Variants in XKR4 observed in about 807,000 individuals in gnomAD.
XKR4 encodes the protein XK-related protein 4.
A neutral mutation model predicts 53.9 loss-of-function variants in XKR4; 12 were observed. The ratio of observed to expected loss-of-function variants is 0.22; its 90% CI spans 0.14 to 0.36. The LOEUF (loss-of-function observed/expected upper bound fraction) is 0.36. XKR4 is among the 10% of genes least tolerant of loss of function. XKR4 has a pLI of 1.00. For synonymous variants in XKR4, 354 were observed against 362.4 expected (o/e 0.98, Z 0.26); for missense variants, 799 against 859.5 (o/e 0.93, Z 0.88).
chr8:55,199,229 G>GA (rs956520513), intron 1 of XKR4, among the ~76,000 whole-genome samples: 8 of 149,666 alleles, frequency 5.3e-5, no homozygotes, highest in South Asian at 2.1e-4. Flanking sequence ...TTACAAAAAA[G>GA]AAAAAAAAAT....
At chr8:55,215,045 T>C (rs6473976) in intron 1 of XKR4, among the ~76,000 whole-genome samples, 142,896 of 151,766 alleles carry the variant, frequency 0.94, 67,352 homozygotes, top group Non-Finnish European at 0.95. Context: ...TCATTTGCCT[T>C]TTAAACTTAC....
chr8:55,406,356 C>G (rs1360529573), intron 2 of XKR4, among the ~76,000 whole-genome samples: 1 of 152,278 alleles, frequency 6.6e-6, no homozygotes, highest in South Asian at 2.1e-4. Flanking sequence ...GTGCTCAGAG[C>G]TACACTCAAA....
In XKR4 at chr8:55,528,108, G is replaced by T. The variant is rs1218896375; in HGVS notation, c.*3881G>T. On this transcript the variant is annotated 3_prime_UTR_variant, in exon 3 of 3. Transcript: ENST00000327381. ...AAGTGGTATGTTATGCATATAAATTGTACATAAACTTTTTAGAAAAGAAGC... is the reference window on the plus strand; with the variant it reads ...AAGTGGTATGTTATGCATATAAATTTTACATAAACTTTTTAGAAAAGAAGC... 1 of 152,110 alleles carries T rather than the reference G, an allele frequency of 6.6e-6. No individual in the cohort carries two copies. Among genetic ancestry groups the T allele is most frequent in the African/African-American group, 2.4e-5 (1 of 41,422 alleles). The allele number at this position is 152,110 out of a possible 1,614,324, so 9.4% of individuals were successfully genotyped here.
At chr8:55,193,131 G>A (rs1390825175) in intron 1 of XKR4, among the ~76,000 whole-genome samples, 2 of 150,126 alleles carry the variant, frequency 1.3e-5, no homozygotes, top group East Asian at 3.9e-4. Flanking sequence ...GACTGGGTTA[G>A]AACTGCACTT....
chr8:55,208,409 G>A (rs1333767018), intron 1 of XKR4, among the ~76,000 whole-genome samples: 1 of 151,910 alleles, frequency 6.6e-6, no homozygotes, highest in Non-Finnish European at 1.5e-5. Context: ...GTTTCTAATT[G>A]TGTTATTTTA....
chr8:55,326,929 G>A (rs1056892462), intron 1 of XKR4, among the ~76,000 whole-genome samples: 4 of 151,916 alleles, frequency 2.6e-5, no homozygotes, highest in African/African-American at 9.7e-5. Context: ...TCAAATGTGG[G>A]ATCACAAGAT....
At chr8:55,139,617 T>C (rs1024163147) in intron 1 of XKR4, among the ~76,000 whole-genome samples, 1 of 151,828 alleles carries the variant, frequency 6.6e-6, no homozygotes, top group African/African-American at 2.4e-5. Context: ...CAATGCCGTA[T>C]TCAGAATGAA....
intron 1 of XKR4, among the ~76,000 whole-genome samples, chr8:55,287,609 A>G (rs1818925975): frequency 6.6e-6 from 1 of 152,220 alleles, no homozygotes; most frequent in Non-Finnish European, 1.5e-5. Context: ...CTGTCCTGAC[A>G]AAGCCGGCAG....
rs1052068637 is a variant in XKR4, at chr8:55,373,992, C to T, written c.1006+16115C>T. Among the ~76,000 whole-genome samples the T allele has an allele frequency of 3.9e-5, 6 of 152,118 alleles. No homozygotes were observed. The Middle Eastern group carries it at 0.01, about 259-fold the overall frequency. ...AGCAGGTCAGGAAGTCGGAGAAGTG[C>T]GAGGTCTCTTACTCAGGCCAAGTGC... On this transcript the variant is annotated intron_variant, in intron 2 of 2. Coordinates refer to ENST00000327381, the MANE Select transcript of XKR4 (RefSeq NM_052898.2).
intron 1 of XKR4, among the ~76,000 whole-genome samples, chr8:55,235,791 A>T (rs1208987885): frequency 6.6e-6 from 1 of 152,170 alleles, no homozygotes; most frequent in Non-Finnish European, 1.5e-5. Context: ...GTGATAGAGG[A>T]CAGAGAATCT....
Position 55,451,745 on chromosome 8 carries a change from T to G in XKR4, c.1007-71536T>G, listed in dbSNP as rs1315981889. On this transcript the variant is annotated intron_variant, in intron 2 of 2. Coordinates refer to ENST00000327381, the MANE Select transcript of XKR4 (RefSeq NM_052898.2). Reference sequence around the variant, plus strand: ...AGAGAAATGCGGAAGGATTCAGACTTGGCCCGGCTCAGGCGGCTGCTCAGG... The same window carrying G: ...AGAGAAATGCGGAAGGATTCAGACTGGGCCCGGCTCAGGCGGCTGCTCAGG... The G allele has an allele frequency of 2.5e-6, 3 of 1,191,884 alleles. No individual in the cohort carries two copies. The African/African-American group carries it at 4.5e-5, about 18-fold the overall frequency. 73.8% of individuals were successfully genotyped at this position (1,191,884 alleles called of 1,614,324 possible). A position where few individuals can be genotyped will look rare whatever the true frequency, so the allele number is the denominator to read the frequency against.
intron 1 of XKR4, 117 bp downstream of exon 1, chr8:55,103,411 C>T: frequency 6.9e-7 from 1 of 1,454,314 alleles, no homozygotes; most frequent in South Asian, 1.5e-5. Flanking sequence ...TCACACTCTT[C>T]CAGTTTTTTG....
intron 1 of XKR4, among the ~76,000 whole-genome samples, chr8:55,136,681 G>A (rs113716868): frequency 2.1e-3 from 326 of 152,234 alleles, no homozygotes; most frequent in Admixed American, 3.6e-3. Flanking sequence ...TCTTTTTACT[G>A]TGGGTAAACC....
chr8:55,283,376 G>T (rs1818866346), intron 1 of XKR4, among the ~76,000 whole-genome samples: 1 of 152,158 alleles, frequency 6.6e-6, no homozygotes, highest in Non-Finnish European at 1.5e-5. Flanking sequence ...CTGCTCTGTG[G>T]CCCAAGGCAA....
rs968622876 is a variant in XKR4, at chr8:55,531,596, G to T, written c.*7369G>T. On this transcript the variant is annotated 3_prime_UTR_variant, in exon 3 of 3. Transcript: ENST00000327381. ...CTCCAACACTAGATATTTTTAAATT[G>T]ATATCACAACACACAAAAAAATTGA... The T allele has an allele frequency of 2.0e-5, 3 of 151,646 alleles. No individual in the cohort carries two copies. The highest frequency in any genetic ancestry group is 7.3e-5 in the African/African-American group (3 of 41,266). The allele number at this position is 151,646 out of a possible 1,614,324, so 9.4% of individuals were successfully genotyped here. A position where few individuals can be genotyped will look rare whatever the true frequency, so the allele number is the denominator to read the frequency against.
chr8:55,480,183 C>T (rs187901652), intron 2 of XKR4, among the ~76,000 whole-genome samples: 76 of 152,324 alleles, frequency 5.0e-4, no homozygotes, highest in African/African-American at 1.8e-3. Context: ...TCCAGCAGCA[C>T]ATCAAAAAGC....
intron 1 of XKR4, among the ~76,000 whole-genome samples, chr8:55,302,655 A>G (rs1231074500): frequency 6.6e-6 from 1 of 151,876 alleles, no homozygotes; most frequent in Non-Finnish European, 1.5e-5. Context: ...ATTTGTTTGT[A>G]TCCTCTTTTA....
At chr8:55,211,922 T>C (rs56051029) in intron 1 of XKR4, among the ~76,000 whole-genome samples, 23,226 of 152,132 alleles carry the variant, frequency 0.15, 2,150 homozygotes, top group Non-Finnish European at 0.21. Context: ...TTATACATTT[T>C]AGGGAGACAT....
At chr8:55,453,170 C>T in intron 2 of XKR4, 20 of 508,004 alleles carry the variant, frequency 3.9e-5, no homozygotes, top group South Asian at 2.9e-4. Context: ...ACCACGTGCT[C>T]CTGCACAGAG....
Sources: gnomAD v4.1 joint callset for allele counts (sites outside exome capture counted in the v4.1 genomes callset) on GRCh38, gnomAD v4.1.1 for gene constraint, MANE v1.5 for transcripts, NCBI Gene and HGNC (gene_info 2026-07-23, HGNC 2026-07-21) for gene names.